WDPCP: variants seen among roughly 807,000 people sequenced by gnomAD.
WDPCP encodes WD repeat containing planar cell polarity effector, also known as WD repeat-containing and planar cell polarity effector protein fritz homolog.
WDPCP carries 71 observed loss-of-function variants against 93.1 expected under a neutral mutation model. That is an observed-to-expected ratio of 0.76 (90% confidence interval 0.63 to 0.93). WDPCP has a LOEUF of 0.93. Among genes scored for constraint, WDPCP ranks in the 40% least tolerant of loss-of-function variants. WDPCP has a pLI of 0.00. For missense variants in WDPCP, 844 were observed against 887.4 expected, an observed-to-expected ratio of 0.95 and a Z score of 0.62; for synonymous variants, 315 against 315.0, an observed-to-expected ratio of 1.00 and a Z score of 0.00.
chr2:63,253,272 A>G (rs1458633411), intron 14 of WDPCP, among the ~76,000 whole-genome samples: 2 of 152,168 alleles, frequency 1.3e-5, no homozygotes, highest in Non-Finnish European at 1.5e-5. Context: ...ACCTCATACC[A>G]TATAAGAATC....
At position 63,404,599 on chromosome 2, in the gene WDPCP, T is replaced by C; in HGVS notation, c.884A>G (p.Gln295Arg). The change falls in exon 10 of 18, where the codon CAG becomes CGG. Residue 295 changes from glutamine (Q) to arginine (R), a missense_variant. Gln to Arg is a conservative substitution (Grantham distance 43). Coordinates refer to ENST00000272321, the MANE Select transcript of WDPCP (RefSeq NM_015910.7). ...DPLDVRFGTK[Q>R]PYQVFTVEHS... ...CTCCACTGTGAACACCTGATAAGGC[T>C]GTTTGGTGCCAAAGCGAACATCCAG... The C allele has an allele frequency of 6.2e-7, 1 of 1,614,128 alleles. No individual in the cohort carries two copies. Among genetic ancestry groups the C allele is most frequent in the Non-Finnish European group, 8.5e-7 (1 of 1,179,972 alleles).
intron 2 of WDPCP, among the ~76,000 whole-genome samples, chr2:63,685,783 T>C (rs1454065202): frequency 2.0e-5 from 3 of 152,196 alleles, no homozygotes; most frequent in South Asian, 2.1e-4. Context: ...ATCCCAGGTA[T>C]GCAAGAATGG....
At chr2:63,604,780 G>A in intron 3 of WDPCP, 1 of 1,614,142 alleles carries the variant, frequency 6.2e-7, no homozygotes, top group Non-Finnish European at 8.5e-7. Context: ...GTATCCAGAT[G>A]TCAACCATGC....
chr2:63,787,685 A>C (rs1048220992), intron 2 of WDPCP, among the ~76,000 whole-genome samples: 5 of 152,230 alleles, frequency 3.3e-5, no homozygotes, highest in Non-Finnish European at 4.4e-5. Context: ...AATTAAAATT[A>C]TAGTAAATAT....
chr2:63,472,029 T>C (rs185787943), intron 6 of WDPCP, among the ~76,000 whole-genome samples: 2 of 152,282 alleles, frequency 1.3e-5, no homozygotes, highest in East Asian at 3.9e-4. Context: ...TTTAGAATTT[T>C]AGATACAGAA....
intron 6 of WDPCP, among the ~76,000 whole-genome samples, chr2:63,481,005 T>C (rs1323655061): frequency 6.6e-6 from 1 of 151,470 alleles, no homozygotes; most frequent in Non-Finnish European, 1.5e-5. Context: ...AGGACTAATA[T>C]CCAGAATCTA....
In WDPCP at chr2:63,788,965, C is replaced by T. The variant is rs560086954; in HGVS notation, n.308+24657G>A. Among the ~76,000 whole-genome samples, 58 of 152,236 alleles carry T rather than the reference C, an allele frequency of 3.8e-4. 1 individual carries two copies. Among genetic ancestry groups the T allele is most frequent in the African/African-American group, 1.3e-3 (54 of 41,532 alleles). On this transcript the variant is annotated intron_variant and non_coding_transcript_variant, in intron 2 of 4. Coordinates refer to the WDPCP transcript ENST00000467687. Reference sequence around the variant, plus strand: ...CCTCACTATGCTGCCCAGGTTGGTCCTGAATTCCTGGGCTCAAGCAATCCT... The same window carrying T: ...CCTCACTATGCTGCCCAGGTTGGTCTTGAATTCCTGGGCTCAAGCAATCCT...
At chr2:63,749,690 T>C (rs986394404) in intron 2 of WDPCP, among the ~76,000 whole-genome samples, 2 of 152,132 alleles carry the variant, frequency 1.3e-5, no homozygotes, top group African/African-American at 4.8e-5. Context: ...ATTTTTCACT[T>C]ACAATATTTT....
intron 15 of WDPCP, among the ~76,000 whole-genome samples, chr2:63,173,974 T>G (rs1673596831): frequency 6.6e-6 from 1 of 152,182 alleles, no homozygotes; most frequent in East Asian, 1.9e-4. Context: ...TATGAAGTTT[T>G]ATTGTAACAC....
At chr2:63,259,514 A>T in intron 13 of WDPCP, 105 bp from the exon 14 acceptor site, 1 of 936,732 alleles carries the variant, frequency 1.1e-6, no homozygotes, top group Non-Finnish European at 1.7e-6. Flanking sequence ...AAATAGAAAC[A>T]GTTTGTAAAT....
chr2:63,591,542 T>C (rs371110641), upstream of WDPCP, among the ~76,000 whole-genome samples: 20 of 152,330 alleles, frequency 1.3e-4, no homozygotes, highest in East Asian at 2.5e-3. Flanking sequence ...TCTAACCATA[T>C]AGGTGACCTT....
At chr2:63,772,586 C>G (rs1335240810) in intron 2 of WDPCP, among the ~76,000 whole-genome samples, 1 of 151,940 alleles carries the variant, frequency 6.6e-6, no homozygotes, top group Non-Finnish European at 1.5e-5. Context: ...GAATAATACA[C>G]TAAAACCAAA....
chr2:63,594,283 C>T (rs1449007647), intron 3 of WDPCP: 1 of 671,314 alleles, frequency 1.5e-6, no homozygotes, highest in East Asian at 3.1e-5. Flanking sequence ...TCCAGGATAA[C>T]ACTTTTAGCT....
At chr2:63,708,337 T>G (rs1349377821) in intron 2 of WDPCP, among the ~76,000 whole-genome samples, 3 of 151,436 alleles carry the variant, frequency 2.0e-5, no homozygotes, top group Non-Finnish European at 4.4e-5. Context: ...CGGGCCCCCC[T>G]CCCCCAGCCT....
intron 14 of WDPCP, among the ~76,000 whole-genome samples, chr2:63,188,905 C>T (rs1373504209): frequency 1.3e-5 from 2 of 152,144 alleles, no homozygotes; most frequent in South Asian, 2.1e-4. Flanking sequence ...AAGAAACAGC[C>T]ACCTTTCTCA....
intron 3 of WDPCP, among the ~76,000 whole-genome samples, chr2:63,648,863 G>A (rs942528569): frequency 6.6e-6 from 1 of 152,142 alleles, no homozygotes; most frequent in African/African-American, 2.4e-5. Context: ...TCAACTTAGT[G>A]TTCTCAGCAG....
At chr2:63,153,945 A>G (rs1672055887) in intron 15 of WDPCP, among the ~76,000 whole-genome samples, 1 of 152,132 alleles carries the variant, frequency 6.6e-6, no homozygotes, top group East Asian at 1.9e-4. Flanking sequence ...TGAATGATGA[A>G]GTTTTATAAA....
At chr2:63,127,933 G>A (rs1375767761) in intron 17 of WDPCP, among the ~76,000 whole-genome samples, 1 of 152,000 alleles carries the variant, frequency 6.6e-6, no homozygotes, top group East Asian at 1.9e-4. Context: ...CAGGTCAGAA[G>A]TTCAAGACCA....
intron 13 of WDPCP, among the ~76,000 whole-genome samples, chr2:63,304,195 A>G (rs997456225): frequency 6.6e-6 from 1 of 152,240 alleles, no homozygotes; most frequent in Non-Finnish European, 1.5e-5. Flanking sequence ...TCATATGTTT[A>G]TTGCAGTATT....
Sources: gnomAD v4.1 joint callset for allele counts (sites outside exome capture counted in the v4.1 genomes callset) on GRCh38, gnomAD v4.1.1 for gene constraint, MANE v1.5 for transcripts, NCBI Gene and HGNC (gene_info 2026-07-23, HGNC 2026-07-21) for gene names.